CLNK: variants seen among roughly 807,000 people sequenced by gnomAD.
The protein encoded by CLNK is cytokine-dependent hematopoietic cell linker.
In CLNK, 74 loss-of-function variants were observed where a neutral mutation model predicts 68.6. The observed-to-expected ratio is 1.08, with a 90% confidence interval of 0.89 to 1.31. The LOEUF is 1.31. Among genes scored for constraint, CLNK ranks in the 50% most tolerant of loss-of-function variants. The pLI, the probability that CLNK is intolerant of heterozygous loss-of-function variation, is 0.00. For synonymous variants in CLNK, 198 were observed against 172.2 expected, an observed-to-expected ratio of 1.15 and a Z score of -1.17; for missense variants, 553 against 515.3, an observed-to-expected ratio of 1.07 and a Z score of -0.71.
At chr4:10,682,946 T>C (rs757273201) in intron 1 of CLNK, among the ~76,000 whole-genome samples, 2 of 152,150 alleles carry the variant, frequency 1.3e-5, no homozygotes, top group South Asian at 2.1e-4. Flanking sequence ...ATTGTGGTCA[T>C]GTTTTAAGAA....
At chr4:10,530,996 G>A (rs1560203776) in intron 12 of CLNK, among the ~76,000 whole-genome samples, 1 of 152,176 alleles carries the variant, frequency 6.6e-6, no homozygotes, top group Non-Finnish European at 1.5e-5. Flanking sequence ...GAGATTAGGG[G>A]TAATAAATGT....
intron 14 of CLNK, among the ~76,000 whole-genome samples, chr4:10,523,383 G>C (rs149360021): frequency 3.3e-5 from 5 of 152,314 alleles, no homozygotes; most frequent in Middle Eastern, 3.4e-3. Flanking sequence ...ATTTGCAGAA[G>C]ATAGGGATTT....
chr4:10,682,696 T>C (rs1577219352), intron 1 of CLNK, among the ~76,000 whole-genome samples: 2 of 152,218 alleles, frequency 1.3e-5, no homozygotes, highest in Non-Finnish European at 2.9e-5. Flanking sequence ...AAAGCCCTGT[T>C]TCTTTCCATT....
the CLNK span, among the ~76,000 whole-genome samples, chr4:10,733,384 T>A: frequency 6.6e-6 from 1 of 152,084 alleles, no homozygotes; most frequent in Non-Finnish European, 1.5e-5. Context: ...GCCAGGTGAG[T>A]CTTAAGAAAA....
intron 2 of CLNK, among the ~76,000 whole-genome samples, chr4:10,634,883 G>T (rs1458809723): frequency 6.6e-6 from 1 of 152,140 alleles, no homozygotes; most frequent in Non-Finnish European, 1.5e-5. Context: ...GGACTTCTGG[G>T]CAGAAACTGA....
chr4:10,649,340 G>A (rs546926873), intron 2 of CLNK, among the ~76,000 whole-genome samples: 3 of 152,274 alleles, frequency 2.0e-5, no homozygotes, highest in South Asian at 2.1e-4. Flanking sequence ...TATTCAGAGA[G>A]AGTCCAAAAT....
intron 14 of CLNK, among the ~76,000 whole-genome samples, chr4:10,521,693 C>A (rs945798630): frequency 6.6e-6 from 1 of 152,214 alleles, no homozygotes; most frequent in Non-Finnish European, 1.5e-5. Context: ...GCAAGCAGTT[C>A]ATCCAGCCAC....
At chr4:10,692,947 A>G in the CLNK span, among the ~76,000 whole-genome samples, 108 of 152,338 alleles carry the variant, frequency 7.1e-4, 1 homozygote, top group East Asian at 0.02. Context: ...AGATCAAGGT[A>G]TGGCTCCTGC....
At chr4:10,565,704 C>T (rs773102266) in intron 6 of CLNK, among the ~76,000 whole-genome samples, 1 of 152,134 alleles carries the variant, frequency 6.6e-6, no homozygotes, top group Non-Finnish European at 1.5e-5. Flanking sequence ...AGGAGAGCAT[C>T]GTGATAATAA....
rs1444227605 is a variant in CLNK, at chr4:10,487,296, T to C, written c.*3171A>G. 1 of 152,236 alleles carries C rather than the reference T, an allele frequency of 6.6e-6. No individual in the cohort carries two copies. Among genetic ancestry groups the C allele is most frequent in the Non-Finnish European group, 1.5e-5 (1 of 68,036 alleles). The allele number at this position is 152,236 out of a possible 1,614,324, so 9.4% of individuals were successfully genotyped here. A position where few individuals can be genotyped will look rare whatever the true frequency, so the allele number is the denominator to read the frequency against. ...GAGACCTTGGTTCCAGTCGCGACTA[T>C]GTCACTGTGAGATTTTGGCCAATGA... On this transcript the variant is annotated 3_prime_UTR_variant, in exon 19 of 19. Transcript: ENST00000226951.
chr4:10,500,039 A>T (rs906583304), intron 18 of CLNK, among the ~76,000 whole-genome samples: 15 of 152,182 alleles, frequency 9.9e-5, no homozygotes, highest in South Asian at 2.1e-4. Context: ...GCCTATAACA[A>T]TGCACACCCC....
At chr4:10,638,156 A>G (rs904626857) in intron 2 of CLNK, among the ~76,000 whole-genome samples, 4 of 152,196 alleles carry the variant, frequency 2.6e-5, no homozygotes, top group Non-Finnish European at 5.9e-5. Flanking sequence ...CTGCACCCAC[A>G]GGGGTGCCTG....
chr4:10,714,388 C>T, the CLNK span, among the ~76,000 whole-genome samples: 4 of 152,124 alleles, frequency 2.6e-5, 1 homozygote, highest in Admixed American at 2.0e-4. Flanking sequence ...CTGCAAAGTC[C>T]TCCAGTAAAG....
intron 2 of CLNK, among the ~76,000 whole-genome samples, chr4:10,614,090 T>C (rs566372241): frequency 3.3e-5 from 5 of 152,172 alleles, no homozygotes; most frequent in Non-Finnish European, 5.9e-5. Flanking sequence ...AGCTGTAATA[T>C]AGGAATTTAG....
At chr4:10,674,215 GA>G (rs1315870030) in intron 1 of CLNK, among the ~76,000 whole-genome samples, 4 of 151,728 alleles carry the variant, frequency 2.6e-5, no homozygotes, top group Non-Finnish European at 4.4e-5. Context: ...GGACCAGGCA[GA>G]AGGAGACGTG....
chr4:10,733,992 TTTTTC>T, the CLNK span, among the ~76,000 whole-genome samples: 7 of 152,210 alleles, frequency 4.6e-5, no homozygotes, highest in Non-Finnish European at 1.0e-4. Context: ...GATACATATC[TTTTTC>T]TTTTCTTTTC....
At chr4:10,674,751 T>C (rs150304802) in intron 1 of CLNK, among the ~76,000 whole-genome samples, 2 of 152,310 alleles carry the variant, frequency 1.3e-5, no homozygotes, top group South Asian at 2.1e-4. Flanking sequence ...TCAATGATTA[T>C]ATTTGATTAG....
rs1442305402 is a variant in CLNK at position 10,508,014 on chromosome 4, T to A, written c.929A>T (p.Tyr310Phe). Residue 310 changes from tyrosine (Y) to phenylalanine (F), a missense_variant, in exon 17 of 19, where the codon TAC (tyrosine) becomes TTC (phenylalanine). By Grantham distance (22) the Tyr-to-Phe change is conservative. Transcript: ENST00000226951. ...TGCCTGGCGGCTGTATTCTCCAATGTACCATTCATTGTGCTGGACATCCTG... is the reference window on the plus strand; with the variant it reads ...TGCCTGGCGGCTGTATTCTCCAATGAACCATTCATTGTGCTGGACATCCTG... ...DRKDVQHNEW[Y>F]IGEYSRQAVE... 1.2e-6 allele frequency: 2 copies of A among 1,611,192 alleles called. No homozygotes were observed. Among genetic ancestry groups the A allele is most frequent in the Non-Finnish European group, 1.7e-6 (2 of 1,178,728 alleles).
At chr4:10,518,928 G>A (rs1717949067) in intron 15 of CLNK, among the ~76,000 whole-genome samples, 1 of 152,182 alleles carries the variant, frequency 6.6e-6, no homozygotes, top group Admixed American at 6.5e-5. Context: ...ATCCAGGCAT[G>A]AATTCATACC....
Sources: gnomAD v4.1 joint callset for allele counts (sites outside exome capture counted in the v4.1 genomes callset) on GRCh38, gnomAD v4.1.1 for gene constraint, MANE v1.5 for transcripts, NCBI Gene and HGNC (gene_info 2026-07-23, HGNC 2026-07-21) for gene names.